JARID2: variants seen among roughly 807,000 people sequenced by gnomAD.
JARID2 encodes protein Jumonji.
A neutral mutation model predicts 125.6 loss-of-function variants in JARID2; 21 were observed. The ratio of observed to expected loss-of-function variants is 0.17; its 90% CI spans 0.12 to 0.24. The LOEUF is 0.24. Ranked by LOEUF, JARID2 falls within the 10% of genes least tolerant of loss-of-function variation. JARID2 has a pLI of 1.00. For missense variants in JARID2, 1,303 were observed against 1,639.6 expected (o/e 0.79, Z 3.55); for synonymous variants, 736 against 661.6 (o/e 1.11, Z -1.73).
intron 1 of JARID2, among the ~76,000 whole-genome samples, chr6:15,266,511 T>C (rs1457388554): frequency 6.6e-6 from 1 of 152,214 alleles, no homozygotes; most frequent in Non-Finnish European, 1.5e-5. Flanking sequence ...AGCAGTTTCA[T>C]GGTCATTGTT....
At chr6:15,490,068 A>G (rs1561899319) in intron 6 of JARID2, among the ~76,000 whole-genome samples, 2 of 152,202 alleles carry the variant, frequency 1.3e-5, no homozygotes, top group East Asian at 3.9e-4. Context: ...GTGAGAAATA[A>G]AAGGAAAATT....
At chr6:15,272,823 G>T (rs1027653093) in intron 1 of JARID2, among the ~76,000 whole-genome samples, 6 of 152,236 alleles carry the variant, frequency 3.9e-5, no homozygotes, top group Non-Finnish European at 7.3e-5. Context: ...ACTCAATTTT[G>T]CGTGGCACTG....
intron 6 of JARID2, among the ~76,000 whole-genome samples, chr6:15,493,176 A>G (rs984222090): frequency 3.9e-5 from 6 of 152,064 alleles, no homozygotes; most frequent in Non-Finnish European, 8.8e-5. Flanking sequence ...TATGAGAGAC[A>G]TAGCACTCTG....
intron 1 of JARID2, among the ~76,000 whole-genome samples, chr6:15,341,016 A>T (rs1430178005): frequency 1.3e-5 from 2 of 152,170 alleles, no homozygotes; most frequent in Non-Finnish European, 2.9e-5. Context: ...TATCTCTTTT[A>T]AAAAGAAGTG....
At chr6:15,423,392 T>C (rs1299595442) in intron 3 of JARID2, among the ~76,000 whole-genome samples, 5 of 152,108 alleles carry the variant, frequency 3.3e-5, no homozygotes, top group Non-Finnish European at 5.9e-5. Context: ...TTGGGAAGAA[T>C]TGTGCAACTA....
intron 1 of JARID2, among the ~76,000 whole-genome samples, chr6:15,333,965 G>C (rs1762799936): frequency 6.6e-6 from 1 of 152,190 alleles, no homozygotes; most frequent in Non-Finnish European, 1.5e-5. Context: ...CCCGAGACTG[G>C]TTTGGATGAA....
chr6:15,308,976 T>C lies in JARID2; in HGVS notation c.45+62392T>C, dbSNP rs367782402. Among the ~76,000 whole-genome samples, 5 of 152,366 alleles carry C rather than the reference T, an allele frequency of 3.3e-5. No individual in the cohort carries two copies. The South Asian group carries it at 6.2e-4, about 19-fold the overall frequency. ...AGTAGTTGAACATGAGTGACCTTTT[T>C]GGTTGACTGACTGCCCTTCCTGTGA... On this transcript the variant is annotated intron_variant, in intron 1 of 17. Coordinates refer to ENST00000341776, the MANE Select transcript of JARID2 (RefSeq NM_004973.4).
Position 15,496,384 on chromosome 6 carries a change from C to T in JARID2, c.1159C>T (p.Arg387Cys), listed in dbSNP as rs551551471. 25 of 1,614,000 alleles carry T rather than the reference C, an allele frequency of 1.5e-5. 1 individual carries two copies. The highest frequency in any genetic ancestry group is 9.3e-5 in the African/African-American group (7 of 74,912). The part of the protein sequence containing the change: ...GKTESSNAKT[R>C]KQVLSLGGAS... ...AACTGAAAGTAGCAATGCAAAAACC[C>T]GCAAACAGGTGCTATCCCTCGGGGG... The change falls in exon 7 of 18, where the codon CGC (arginine) becomes TGC (cysteine). Residue 387 changes from arginine to cysteine, a missense_variant. Physicochemically the swap from Arg to Cys is radical, Grantham distance 180. Coordinates refer to ENST00000341776, the MANE Select transcript of JARID2 (RefSeq NM_004973.4).
At chr6:15,341,472 G>T (rs1185613536) in intron 1 of JARID2, among the ~76,000 whole-genome samples, 4 of 152,302 alleles carry the variant, frequency 2.6e-5, no homozygotes, top group African/African-American at 9.6e-5. Context: ...AGATAGGCAT[G>T]TGCCAGCAAC....
chr6:15,473,842 G>A (rs187000741), intron 5 of JARID2, among the ~76,000 whole-genome samples: 30 of 152,246 alleles, frequency 2.0e-4, no homozygotes, highest in South Asian at 6.2e-4. Flanking sequence ...TCCTTATGAC[G>A]CCAGTGGAGG....
intron 1 of JARID2, among the ~76,000 whole-genome samples, chr6:15,372,635 T>A (rs112652022): frequency 0.011 from 1,633 of 152,276 alleles, 31 homozygotes; most frequent in African/African-American, 0.037. Context: ...ATTACAGGCA[T>A]GAGCCACTGC....
intron 1 of JARID2, among the ~76,000 whole-genome samples, chr6:15,336,836 C>T (rs1236524815): frequency 6.6e-6 from 1 of 152,076 alleles, no homozygotes; most frequent in Non-Finnish European, 1.5e-5. Flanking sequence ...GTGCGAGCCA[C>T]TGTATTTTTT....
At chr6:15,254,722 A>C (rs946338676) in intron 1 of JARID2, among the ~76,000 whole-genome samples, 1 of 152,120 alleles carries the variant, frequency 6.6e-6, no homozygotes, top group Non-Finnish European at 1.5e-5. Context: ...TTTATTTACC[A>C]TGCTCCTAGA....
intron 1 of JARID2, among the ~76,000 whole-genome samples, chr6:15,271,457 C>T (rs182697527): frequency 1.1e-4 from 17 of 152,306 alleles, no homozygotes; most frequent in Admixed American, 2.6e-4. Flanking sequence ...ACCTGAGCAT[C>T]GAAGGGTAGG....
chr6:15,488,108 T>C (rs1407826621), intron 6 of JARID2, among the ~76,000 whole-genome samples: 1 of 152,174 alleles, frequency 6.6e-6, no homozygotes, highest in African/African-American at 2.4e-5. Flanking sequence ...TGTAGGTGGC[T>C]GCCACCCTGA....
intron 4 of JARID2, among the ~76,000 whole-genome samples, chr6:15,456,878 C>CTTTTTTTTTTTTTTTTTTTTTTT (rs71535043): frequency 1.0e-5 from 1 of 95,672 alleles, no homozygotes; most frequent in African/African-American, 4.1e-5. Context: ...GGATGTTAAG[C>CTTTTTTTTTTTTTTTTTTTTTTT]TTTTTTTTTT....
rs34467447 is a variant in JARID2 at position 15,470,176 on chromosome 6, C to CAAA, written c.670+1471_670+1473dup. Among the ~76,000 whole-genome samples the CAAA allele has an allele frequency of 4.2e-3, 543 of 128,878 alleles. 2 individuals carry two copies. The highest frequency in any genetic ancestry group is 0.016 in the Middle Eastern group (4 of 244). 84.5% of individuals were successfully genotyped at this position (128,878 alleles called of 152,430 possible). ...TGGGCGACAGAGCGAGACTCTGTCT[C>CAAA]AAAAAAAAAAAAAAAGTAGGAAAGA... On this transcript the variant is annotated intron_variant, in intron 5 of 17. Coordinates refer to ENST00000341776, the MANE Select transcript of JARID2 (RefSeq NM_004973.4).
chr6:15,401,151 G>A lies in JARID2; in HGVS notation c.182-9073G>A, dbSNP rs912231111. ...GATTAAATCCATTGTGGATGGCAAG[G>A]TGCTATATATATATATATATATGAG... On this transcript the variant is annotated intron_variant, in intron 2 of 17. Coordinates refer to ENST00000341776, the MANE Select transcript of JARID2 (RefSeq NM_004973.4). 1.0e-5 allele frequency: 11 copies of A among 1,057,628 alleles called. No homozygotes were observed. The African/African-American group carries it at 1.5e-4, about 14-fold the overall frequency. The allele number at this position is 1,057,628 out of a possible 1,614,324, so 65.5% of individuals were successfully genotyped here.
intron 4 of JARID2, among the ~76,000 whole-genome samples, chr6:15,456,713 G>C (rs961385478): frequency 6.6e-6 from 1 of 151,810 alleles, no homozygotes; most frequent in Admixed American, 6.6e-5. Context: ...GCCTTAGATA[G>C]CATCTTTTCT....
Sources: allele counts gnomAD v4.1 joint callset (sites outside exome capture counted in the v4.1 genomes callset), GRCh38; gene constraint gnomAD v4.1.1; transcripts MANE v1.5; gene names NCBI Gene and HGNC (gene_info 2026-07-23, HGNC 2026-07-21).